The following RGS7BP variants were observed in gnomAD, a reference collection of about 807,000 sequenced individuals.
The protein encoded by RGS7BP is regulator of G protein signaling 7 binding protein.
A neutral mutation model predicts 31.3 loss-of-function variants in RGS7BP; 9 were observed. The ratio of observed to expected loss-of-function variants is 0.29; its 90% CI spans 0.17 to 0.50. The LOEUF is 0.50. Ranked by LOEUF, RGS7BP falls within the 20% of genes least tolerant of loss-of-function variation. RGS7BP has a pLI of 0.98. For synonymous variants in RGS7BP, 115 were observed against 120.1 expected (o/e 0.96, Z 0.28); for missense variants, 274 against 322.0 (o/e 0.85, Z 1.14).
chr5:64,605,346 T>C (rs1179434618), intron 5 of RGS7BP, among the ~76,000 whole-genome samples: 1 of 152,182 alleles, frequency 6.6e-6, no homozygotes, highest in Non-Finnish European at 1.5e-5. Flanking sequence ...ACATTCCCTT[T>C]TGCTTACATT....
chr5:64,521,549 G>A (rs1005272944), intron 2 of RGS7BP, among the ~76,000 whole-genome samples: 4 of 152,140 alleles, frequency 2.6e-5, no homozygotes, highest in Admixed American at 6.5e-5. Context: ...GAGCCACCGC[G>A]CCTGGCCTTT....
chr5:64,506,354 T>C lies in RGS7BP; in HGVS notation c.-271T>C. On this transcript the variant is annotated 5_prime_UTR_variant, in exon 1 of 6. Coordinates refer to ENST00000334025, the MANE Select transcript of RGS7BP (RefSeq NM_001029875.3). This position sits in a 1 kb window ranked among gnomAD's most constrained non-coding sequence, Gnocchi z 4.6. The stretch of plus-strand genomic sequence containing the variant: ...GTGCGAGCCCGCGCCAGCGCCCAGC[T>C]CCCGGGACAGGGTCGGCAATGCTGC... The C allele has an allele frequency of 3.0e-6, 1 of 336,534 alleles. No homozygotes were observed. Among genetic ancestry groups the C allele is most frequent in the Non-Finnish European group, 5.4e-6 (1 of 186,740 alleles). The allele number at this position is 336,534 out of a possible 1,614,324, so 20.8% of individuals were successfully genotyped here.
intron 2 of RGS7BP, among the ~76,000 whole-genome samples, chr5:64,565,868 T>C (rs1742157093): frequency 6.6e-6 from 1 of 152,166 alleles, no homozygotes; most frequent in African/African-American, 2.4e-5. Context: ...TTTACATCTG[T>C]CTAGATATAT....
rs538910604 is a variant in RGS7BP at position 64,510,741 on chromosome 5, G to T, written c.332+2864G>T. 3.3e-5 allele frequency among the ~76,000 whole-genome samples: 5 copies of T among 152,294 alleles called. 1 individual carries two copies. In the South Asian group the frequency reaches 1.0e-3, roughly 32 times the overall value. On this transcript the variant is annotated intron_variant, in intron 2 of 5. Coordinates refer to ENST00000334025, the MANE Select transcript of RGS7BP (RefSeq NM_001029875.3). ...TTAGAAAGGTATTGTCATCATCACC[G>T]TGATTAACACTTGGTTTTTTGTCAA...
intron 3 of RGS7BP, among the ~76,000 whole-genome samples, chr5:64,578,622 C>A (rs1202630083): frequency 6.6e-6 from 1 of 152,218 alleles, no homozygotes; most frequent in Non-Finnish European, 1.5e-5. Context: ...AAGCCCTTAC[C>A]ATGCCATTCT....
At chr5:64,599,483 G>A (rs572964663) in intron 5 of RGS7BP, among the ~76,000 whole-genome samples, 15 of 152,306 alleles carry the variant, frequency 9.8e-5, no homozygotes, top group Admixed American at 2.6e-4. Flanking sequence ...AGGGGTGGAA[G>A]TGAGAACACC....
At chr5:64,568,543 A>G (rs1179275024) in intron 2 of RGS7BP, among the ~76,000 whole-genome samples, 1 of 152,158 alleles carries the variant, frequency 6.6e-6, no homozygotes, top group Non-Finnish European at 1.5e-5. Context: ...TACTCCTGTC[A>G]TGAAAACACA....
At position 64,546,509 on chromosome 5, in the gene RGS7BP, G is replaced by C. The variant is rs78609152; in HGVS notation, c.333-29265G>C. On this transcript the variant is annotated intron_variant, in intron 2 of 5. Coordinates refer to ENST00000334025, the MANE Select transcript of RGS7BP (RefSeq NM_001029875.3). ...AACAGTCCCTTACATTTAATAGCAA[G>C]GATATTAGGGACCCTGAAAATGACC... is the stretch of plus-strand genomic sequence containing the variant. Among the ~76,000 whole-genome samples, 1,081 of 152,180 alleles carry C rather than the reference G, an allele frequency of 7.1e-3. 10 individuals carry two copies. Among genetic ancestry groups the C allele is most frequent in the African/African-American group, 0.024 (995 of 41,528 alleles).
chr5:64,589,440 G>A (rs766306120), intron 3 of RGS7BP, among the ~76,000 whole-genome samples: 1 of 152,100 alleles, frequency 6.6e-6, no homozygotes, highest in Non-Finnish European at 1.5e-5. Context: ...CTGGTGTGAT[G>A]CACTAAGGAC....
chr5:64,559,341 T>C (rs1741998243), intron 2 of RGS7BP, among the ~76,000 whole-genome samples: 1 of 152,080 alleles, frequency 6.6e-6, no homozygotes, highest in African/African-American at 2.4e-5. Context: ...CCCCCGATAG[T>C]GGTTGGATGT....
At chr5:64,568,129 A>C (rs1742214369) in intron 2 of RGS7BP, among the ~76,000 whole-genome samples, 1 of 151,986 alleles carries the variant, frequency 6.6e-6, no homozygotes, top group African/African-American at 2.4e-5. Flanking sequence ...TATTTAAATA[A>C]ATACCTTTAA....
chr5:64,527,599 A>C (rs1204742575), intron 2 of RGS7BP, among the ~76,000 whole-genome samples: 1 of 104,112 alleles, frequency 9.6e-6, no homozygotes, highest in Non-Finnish European at 1.8e-5. Flanking sequence ...AGCATTGCTT[A>C]TAACAGTAAA....
At chr5:64,540,473 A>G (rs1741500440) in intron 2 of RGS7BP, among the ~76,000 whole-genome samples, 1 of 152,206 alleles carries the variant, frequency 6.6e-6, no homozygotes. Flanking sequence ...TAAAATCTCC[A>G]ATCATTTATC....
In RGS7BP at chr5:64,506,802, T is replaced by A. The variant is rs202181664; in HGVS notation, c.165+13T>A. The A allele has an allele frequency of 6.7e-7, 1 of 1,489,968 alleles. No individual in the cohort carries two copies. The highest frequency in any genetic ancestry group is 9.0e-7 in the Non-Finnish European group (1 of 1,110,004). The allele number at this position is 1,489,968 out of a possible 1,614,324, so 92.3% of individuals were successfully genotyped here. ...CGACTGCAAGATGGTGGGTGAAAAC[T>A]GCGCCTCTTTTTTTTTTTTTTTAAT... On this transcript the variant is annotated intron_variant, in intron 1 of 5. Coordinates refer to ENST00000334025, the MANE Select transcript of RGS7BP (RefSeq NM_001029875.3). The surrounding 1 kb of genome is among the most constrained non-coding windows in gnomAD (Gnocchi z 4.6).
intron 4 of RGS7BP, among the ~76,000 whole-genome samples, 181 bp from the exon 5 acceptor site, chr5:64,598,184 A>G (rs1004490784): frequency 6.6e-6 from 1 of 152,196 alleles, no homozygotes; most frequent in Non-Finnish European, 1.5e-5. Flanking sequence ...TCCTGAGCCA[A>G]CCCATCTCAG....
At chr5:64,540,910 C>A (rs1741512392) in intron 2 of RGS7BP, among the ~76,000 whole-genome samples, 2 of 152,194 alleles carry the variant, frequency 1.3e-5, no homozygotes, top group East Asian at 3.9e-4. Context: ...CTGCATTGAA[C>A]AGAGTGACCC....
rs563023732 is a variant in RGS7BP at position 64,584,981 on chromosome 5, C to T, written c.463+9077C>T. Among the ~76,000 whole-genome samples, 224 of 152,276 alleles carry T rather than the reference C, an allele frequency of 1.5e-3. 1 individual carries two copies. Among genetic ancestry groups the T allele is most frequent in the Non-Finnish European group, 2.3e-3 (157 of 68,014 alleles). Reference sequence around the variant, plus strand: ...AGTAAAAGTGGATTACTTTAAAAAACAGCCTATACTTCCCCAGTCCTTTTC... The same window carrying T: ...AGTAAAAGTGGATTACTTTAAAAAATAGCCTATACTTCCCCAGTCCTTTTC... On this transcript the variant is annotated intron_variant, in intron 3 of 5. Coordinates refer to ENST00000334025, the MANE Select transcript of RGS7BP (RefSeq NM_001029875.3).
rs1263926377 is a variant in RGS7BP, at chr5:64,506,881, A to G, written c.165+92A>G. 1 of 1,211,156 alleles carries G rather than the reference A, an allele frequency of 8.3e-7. No individual in the cohort carries two copies. The highest frequency in any genetic ancestry group is 1.1e-6 in the Non-Finnish European group (1 of 877,036). The allele number at this position is 1,211,156 out of a possible 1,614,324, so 75.0% of individuals were successfully genotyped here. ...TTAATCATTTGCCTGAGTGCCAGCCACTCCCCCACCCTCAGCTCCTCAATG... is the reference window on the plus strand; with the variant it reads ...TTAATCATTTGCCTGAGTGCCAGCCGCTCCCCCACCCTCAGCTCCTCAATG... On this transcript the variant is annotated intron_variant, in intron 1 of 5. Transcript: ENST00000334025. The surrounding 1 kb of genome is among the most constrained non-coding windows in gnomAD (Gnocchi z 4.6).
In RGS7BP at chr5:64,533,765, C is replaced by T. The variant is rs111451447; in HGVS notation, c.332+25888C>T. Among the ~76,000 whole-genome samples the T allele has an allele frequency of 6.4e-3, 976 of 152,306 alleles. 11 individuals carry two copies. Among genetic ancestry groups the T allele is most frequent in the South Asian group, 0.01 (49 of 4,832 alleles). Reference sequence around the variant, plus strand: ...AGTAAAACTCCGTTAGAAGTTTAAACGTTATGCCAACCTTCTCCCTCCCCA... The same window carrying T: ...AGTAAAACTCCGTTAGAAGTTTAAATGTTATGCCAACCTTCTCCCTCCCCA... On this transcript the variant is annotated intron_variant, in intron 2 of 5. Transcript: ENST00000334025.
Sources: allele counts gnomAD v4.1 joint callset (sites outside exome capture counted in the v4.1 genomes callset), GRCh38; gene constraint gnomAD v4.1.1; non-coding constraint Gnocchi (gnomAD v3.1); transcripts MANE v1.5; gene names NCBI Gene and HGNC (gene_info 2026-07-23, HGNC 2026-07-21).